The following PPIL6 variants were observed in gnomAD, a reference collection of about 807,000 sequenced individuals.
The protein encoded by PPIL6 is probable inactive peptidyl-prolyl cis-trans isomerase-like 6.
In PPIL6, 39 loss-of-function variants were observed where a neutral mutation model predicts 36.8. That is an observed-to-expected ratio of 1.06 (90% CI 0.82 to 1.38). The LOEUF (loss-of-function observed/expected upper bound fraction) is 1.38, where lower values mean the gene tolerates loss of function less well. Ranked by LOEUF, PPIL6 falls within the 40% of genes most tolerant of loss-of-function variation. The pLI, the probability that PPIL6 is intolerant of heterozygous loss-of-function variation, is 0.00. For missense variants in PPIL6, 368 were observed against 379.1 expected (o/e 0.97, Z 0.24); for synonymous variants, 123 against 134.1 (o/e 0.92, Z 0.57).
At chr6:109,428,687 G>T (rs1315189641) in intron 3 of PPIL6, among the ~76,000 whole-genome samples, 1 of 151,514 alleles carries the variant, frequency 6.6e-6, no homozygotes, top group East Asian at 1.9e-4. Flanking sequence ...TTAATGAAAA[G>T]ACTGAAATAA....
chr6:109,431,901 T>A (rs1774176635), intron 2 of PPIL6, among the ~76,000 whole-genome samples: 1 of 152,240 alleles, frequency 6.6e-6, no homozygotes, highest in Non-Finnish European at 1.5e-5. Flanking sequence ...CTCTATTTTG[T>A]TCTCTGGAGC....
At chr6:109,417,211 C>CA (rs1242276294) in intron 6 of PPIL6, among the ~76,000 whole-genome samples, 2 of 150,678 alleles carry the variant, frequency 1.3e-5, no homozygotes, top group Non-Finnish European at 3.0e-5. Flanking sequence ...AAGTATTTCA[C>CA]AAAAAAGTGC....
At chr6:109,441,041 G>A (rs1427620168), upstream of PPIL6, 9 of 1,450,570 alleles carry the variant, frequency 6.2e-6, no homozygotes, top group Non-Finnish European at 8.7e-6. Context: ...CTGGGGAGAA[G>A]GCGCCGCCGG....
rs1250250126 is a variant in PPIL6, at chr6:109,426,998, C to A, written c.484-4G>T. On this transcript the variant is annotated splice_polypyrimidine_tract_variant and splice_region_variant and intron_variant, in intron 4 of 7. Transcript: ENST00000521072. ...TGGGACACACATCACAGTATAGCTA[C>A]AAAATAAAGACAAAAGGTTTCAAAG... is the stretch of plus-strand genomic sequence containing the variant. The A allele has an allele frequency of 6.2e-7, 1 of 1,603,778 alleles. No homozygotes were observed. Among genetic ancestry groups the A allele is most frequent in the Admixed American group, 1.7e-5 (1 of 59,486 alleles).
At chr6:109,433,610 A>ATGGCCCTG (rs1428476559) in intron 2 of PPIL6, among the ~76,000 whole-genome samples, 1 of 152,196 alleles carries the variant, frequency 6.6e-6, no homozygotes, top group Non-Finnish European at 1.5e-5. Context: ...GACCTTCCCA[A>ATGGCCCTG]TGGCCCTGAA....
intron 6 of PPIL6, among the ~76,000 whole-genome samples, chr6:109,418,621 A>G (rs1307731026): frequency 6.7e-6 from 1 of 148,282 alleles, no homozygotes. Context: ...ATCTCAGCTC[A>G]CTGCAACCTC....
At position 109,419,173 on chromosome 6, in the gene PPIL6, G is replaced by A; in HGVS notation, c.688+14C>T. 1.4e-6 allele frequency: 2 copies of A among 1,469,214 alleles called. No homozygotes were observed. Among genetic ancestry groups the A allele is most frequent in the South Asian group, 1.1e-5 (1 of 87,764 alleles). 91.0% of individuals were successfully genotyped at this position (1,469,214 alleles called of 1,614,324 possible). Reference sequence around the variant, plus strand: ...TCAACTAATATATAACTAACAAAATGTAAAGATACATACCTTCAAATGTTG... The same window carrying A: ...TCAACTAATATATAACTAACAAAATATAAAGATACATACCTTCAAATGTTG... On this transcript the variant is annotated intron_variant, in intron 6 of 7. Coordinates refer to ENST00000521072, the MANE Select transcript of PPIL6 (RefSeq NM_173672.5).
At chr6:109,438,236 C>T (rs978594462) in intron 1 of PPIL6, among the ~76,000 whole-genome samples, 8 of 151,700 alleles carry the variant, frequency 5.3e-5, no homozygotes, top group African/African-American at 9.7e-5. Flanking sequence ...CATCTGGGAT[C>T]GCTCACAAAT....
At chr6:109,432,813 G>A (rs1217415002) in intron 2 of PPIL6, among the ~76,000 whole-genome samples, 1 of 152,030 alleles carries the variant, frequency 6.6e-6, no homozygotes. Flanking sequence ...CTGTTCTAGA[G>A]ACTGCACTTG....
intron 1 of PPIL6, among the ~76,000 whole-genome samples, chr6:109,436,470 C>A (rs1017092000): frequency 6.6e-6 from 1 of 152,170 alleles, no homozygotes; most frequent in Non-Finnish European, 1.5e-5. Context: ...GTAATCTCAG[C>A]ACTTTGGGAG....
intron 5 of PPIL6, among the ~76,000 whole-genome samples, chr6:109,420,758 G>A (rs1039989247): frequency 6.6e-6 from 1 of 152,184 alleles, no homozygotes; most frequent in African/African-American, 2.4e-5. Flanking sequence ...GTCAGTATGA[G>A]CAATTTACCT....
chr6:109,440,334 C>A, intron 1 of PPIL6, 122 bp downstream of exon 1: 1 of 1,245,072 alleles, frequency 8.0e-7, no homozygotes, highest in Non-Finnish European at 1.1e-6. Flanking sequence ...CACGCCAGCC[C>A]CTTCCTCGGC....
At chr6:109,435,400 C>T (rs942008938) in intron 2 of PPIL6, among the ~76,000 whole-genome samples, 6 of 150,342 alleles carry the variant, frequency 4.0e-5, no homozygotes, top group Admixed American at 2.7e-4. Flanking sequence ...TTGGTTCAAG[C>T]GATTCTCCTG....
At chr6:109,419,599 T>C (rs182140776) in intron 5 of PPIL6, among the ~76,000 whole-genome samples, 2 of 152,138 alleles carry the variant, frequency 1.3e-5, no homozygotes, top group Admixed American at 6.5e-5. Context: ...GGCATGTGCC[T>C]GTAATCCCAG....
In PPIL6 at chr6:109,436,121, G is replaced by C. The variant is rs1232086193; in HGVS notation, c.214C>G (p.Leu72Val). 1.3e-6 allele frequency: 2 copies of C among 1,569,206 alleles called. No homozygotes were observed. The highest frequency in any genetic ancestry group is 1.7e-5 in the Admixed American group (1 of 59,830). ...PLQEFAWHQYLQEKKRELKNE... is the reference protein window; with the variant it reads ...PLQEFAWHQYVQEKKRELKNE... ...TCCTTTACCCTTTTTTTCTCCTGTA[G>C]ATATTGATGCCATGCAAATTCTTGA... The change falls in exon 2 of 8, where the codon CTA (leucine) becomes GTA (valine). Residue 72 changes from leucine (L) to valine (V), a missense_variant. Transcript: ENST00000521072.
chr6:109,420,327 C>A (rs61076041), intron 5 of PPIL6, among the ~76,000 whole-genome samples: 3 of 91,924 alleles, frequency 3.3e-5, no homozygotes, highest in Admixed American at 1.5e-4. Context: ...TGTGAGACTC[C>A]ATCTCAAAAA....
chr6:109,424,518 C>G (rs1773718403), intron 5 of PPIL6, among the ~76,000 whole-genome samples: 2 of 152,260 alleles, frequency 1.3e-5, no homozygotes, highest in South Asian at 4.1e-4. Flanking sequence ...CTACATAGTC[C>G]CGTGGTATCA....
chr6:109,394,113 G>A (rs1210202210), intron 7 of PPIL6, among the ~76,000 whole-genome samples: 1 of 152,056 alleles, frequency 6.6e-6, no homozygotes, highest in Admixed American at 6.6e-5. Flanking sequence ...ACTCATGCCT[G>A]TAATCCCAGC....
chr6:109,419,191 A>G lies in PPIL6; in HGVS notation c.684T>C (p.Phe228=). ...ACAAAATGTAAAGATACATACCTTC[A>G]AATGTTGGACCATAAATCGACTCTC... ...DNGESIYGPT[F]EDENFSVPHN... The change falls in exon 6 of 8, where the codon TTT becomes TTC. Residue 228 remains phenylalanine (F), a synonymous_variant. Transcript: ENST00000521072. 1.3e-6 allele frequency: 2 copies of G among 1,553,466 alleles called. No homozygotes were observed. The highest frequency in any genetic ancestry group is 1.8e-6 in the Non-Finnish European group (2 of 1,125,050).
Sources: allele counts gnomAD v4.1 joint callset (sites outside exome capture counted in the v4.1 genomes callset), GRCh38; gene constraint gnomAD v4.1.1; transcripts MANE v1.5; gene names NCBI Gene and HGNC (gene_info 2026-07-23, HGNC 2026-07-21).